The following STIM1 variants were observed in gnomAD, a reference collection of about 807,000 sequenced individuals.
STIM1 encodes the protein stromal interaction molecule 1.
In STIM1, 25 loss-of-function variants were observed where a neutral mutation model predicts 74.7. The observed-to-expected ratio is 0.33, with a 90% confidence interval of 0.24 to 0.47. The LOEUF (loss-of-function observed/expected upper bound fraction) is 0.47. Ranked by LOEUF, STIM1 falls within the 20% of genes least tolerant of loss-of-function variation. The pLI, the probability that STIM1 is intolerant of heterozygous loss-of-function variation, is 1.00. For synonymous variants in STIM1, 328 were observed against 348.8 expected (o/e 0.94, Z 0.66); for missense variants, 728 against 920.8 (o/e 0.79, Z 2.71).
At chr11:4,039,237 A>C (rs751113978) in intron 3 of STIM1, among the ~76,000 whole-genome samples, 4 of 152,068 alleles carry the variant, frequency 2.6e-5, no homozygotes, top group Non-Finnish European at 5.9e-5. Context: ...GGCTACAGTG[A>C]GCTATGGTCA....
chr11:4,000,048 G>A (rs2093699009), intron 2 of STIM1, among the ~76,000 whole-genome samples: 1 of 152,096 alleles, frequency 6.6e-6, no homozygotes, highest in African/African-American at 2.4e-5. Flanking sequence ...GCCCGCCATT[G>A]CCCAGGCTCG....
intron 12 of STIM1, chr11:4,086,819 C>T: frequency 1.3e-6 from 2 of 1,536,450 alleles, no homozygotes; most frequent in Non-Finnish European, 1.7e-6. Flanking sequence ...ACACCCCCTT[C>T]TGACAGCACC....
chr11:3,957,417 C>T (rs1017950038), intron 1 of STIM1, among the ~76,000 whole-genome samples: 7 of 151,904 alleles, frequency 4.6e-5, no homozygotes, highest in East Asian at 3.9e-4. Flanking sequence ...CCACCACGCC[C>T]GGCTAATTTT....
At position 3,942,360 on chromosome 11, in the gene STIM1, G is replaced by C. The variant is rs2093022044; in HGVS notation, c.140-25192G>C. Among the ~76,000 whole-genome samples the C allele has an allele frequency of 2.6e-5, 4 of 152,320 alleles. No homozygotes were observed. The South Asian group carries it at 8.3e-4, about 32-fold the overall frequency. On this transcript the variant is annotated intron_variant, in intron 1 of 12. Transcript: ENST00000526596. The stretch of plus-strand genomic sequence containing the variant: ...GCAGAGTGGTCTGAGGTGCCTGGAT[G>C]ACACATTTTCAGCTTCCTTGTAAAC...
At chr11:3,875,388 C>T (rs1021256361) in intron 1 of STIM1, among the ~76,000 whole-genome samples, 8 of 152,146 alleles carry the variant, frequency 5.3e-5, no homozygotes, top group African/African-American at 1.9e-4. Flanking sequence ...GTGTATACTT[C>T]GTGTTTAACA....
chr11:4,015,216 C>G (rs1325395902), intron 2 of STIM1, among the ~76,000 whole-genome samples: 2 of 152,192 alleles, frequency 1.3e-5, no homozygotes, highest in African/African-American at 2.4e-5. Context: ...TTAGTGCTTC[C>G]TTCAGGAGCT....
At chr11:4,065,712 C>A (rs1242783634) in intron 5 of STIM1, among the ~76,000 whole-genome samples, 1 of 152,108 alleles carries the variant, frequency 6.6e-6, no homozygotes, top group Non-Finnish European at 1.5e-5. Context: ...GAAATGCTAT[C>A]TATGGAGTAC....
intron 2 of STIM1, among the ~76,000 whole-genome samples, chr11:4,008,298 A>G (rs1031580365): frequency 1.3e-5 from 2 of 152,284 alleles, no homozygotes; most frequent in East Asian, 3.9e-4. Flanking sequence ...ATACACATCT[A>G]GCATACTCTA....
intron 1 of STIM1, 148 bp downstream of exon 1, chr11:3,856,557 G>A: frequency 1.0e-6 from 1 of 998,144 alleles, no homozygotes; most frequent in Non-Finnish European, 1.4e-6. Context: ...AGTTCAAGAA[G>A]TTCTTTCTGG....
In STIM1 at chr11:3,916,363, T is replaced by G. The variant is rs182514607; in HGVS notation, c.140-51189T>G. ...GTGCAGTGGCGTGATCTTGGCTCAC[T>G]GCCAACCTCTGCCACCTGGGTTCAA... On this transcript the variant is annotated intron_variant, in intron 1 of 12. Transcript: ENST00000526596. 1.7e-4 allele frequency among the ~76,000 whole-genome samples: 26 copies of G among 152,130 alleles called. No individual in the cohort carries two copies. The East Asian group carries it at 4.6e-3, about 27-fold the overall frequency.
At chr11:4,020,351 T>C (rs1234630981) in intron 2 of STIM1, among the ~76,000 whole-genome samples, 1 of 152,188 alleles carries the variant, frequency 6.6e-6, no homozygotes. Flanking sequence ...TAGTTCTATT[T>C]TTCATGTTTT....
chr11:4,022,194 G>A (rs2093960928), intron 2 of STIM1, among the ~76,000 whole-genome samples: 1 of 151,854 alleles, frequency 6.6e-6, no homozygotes. Context: ...TTAGCCAGGT[G>A]GGGTGGCGTG....
At chr11:4,063,010 C>A (rs2094341582) in intron 5 of STIM1, among the ~76,000 whole-genome samples, 1 of 152,100 alleles carries the variant, frequency 6.6e-6, no homozygotes, top group Admixed American at 6.6e-5. Flanking sequence ...TCACAACAGG[C>A]CACATATTAT....
intron 3 of STIM1, among the ~76,000 whole-genome samples, chr11:4,042,769 C>A (rs543861036): frequency 6.6e-6 from 1 of 152,284 alleles, no homozygotes; most frequent in East Asian, 1.9e-4. Context: ...GCATCTCTGT[C>A]CATCCAGATT....
At chr11:4,006,490 C>T (rs189872643) in intron 2 of STIM1, among the ~76,000 whole-genome samples, 526 of 152,338 alleles carry the variant, frequency 3.5e-3, no homozygotes, top group African/African-American at 0.012. Context: ...TCTCGGCTCC[C>T]TGCAACTTCT....
intron 6 of STIM1, among the ~76,000 whole-genome samples, chr11:4,071,751 A>G (rs1355174802): frequency 2.0e-5 from 3 of 152,226 alleles, no homozygotes; most frequent in Admixed American, 6.5e-5. Flanking sequence ...TTTAATCACT[A>G]TGGCCCTTTG....
At chr11:3,886,559 G>T (rs996510928) in intron 1 of STIM1, among the ~76,000 whole-genome samples, 5 of 151,380 alleles carry the variant, frequency 3.3e-5, no homozygotes, top group Non-Finnish European at 7.4e-5. Flanking sequence ...GTGGTGGCAG[G>T]CACCTGTAGT....
chr11:4,078,688 A>G (rs2094449876), intron 7 of STIM1, among the ~76,000 whole-genome samples: 1 of 151,546 alleles, frequency 6.6e-6, no homozygotes, highest in South Asian at 2.1e-4. Flanking sequence ...CTCCTGCCTC[A>G]GCCTCCCGAA....
At chr11:4,053,562 C>T (rs1202957689) in intron 3 of STIM1, among the ~76,000 whole-genome samples, 2 of 150,202 alleles carry the variant, frequency 1.3e-5, no homozygotes, top group African/African-American at 4.9e-5. Context: ...AGGGGAACAT[C>T]ACACACTGAG....
Sources: allele counts gnomAD v4.1 joint callset (sites outside exome capture counted in the v4.1 genomes callset), GRCh38; gene constraint gnomAD v4.1.1; transcripts MANE v1.5; gene names NCBI Gene and HGNC (gene_info 2026-07-23, HGNC 2026-07-21).